TSPAN5: variants seen among roughly 807,000 people sequenced by gnomAD.
The protein encoded by TSPAN5 is tetraspanin-5.
In TSPAN5, 10 loss-of-function variants were observed where a neutral mutation model predicts 37.1. The ratio of observed to expected loss-of-function variants is 0.27; its 90% CI spans 0.17 to 0.46. The LOEUF (loss-of-function observed/expected upper bound fraction) is 0.46. Ranked by LOEUF, TSPAN5 falls within the 20% of genes least tolerant of loss-of-function variation. TSPAN5 has a pLI of 1.00. For missense variants in TSPAN5, 195 were observed against 326.6 expected, an observed-to-expected ratio of 0.60 and a Z score of 3.11; for synonymous variants, 110 against 118.9, an observed-to-expected ratio of 0.93 and a Z score of 0.48.
At chr4:98,559,459 T>C (rs1230428420) in intron 1 of TSPAN5, among the ~76,000 whole-genome samples, 1 of 152,130 alleles carries the variant, frequency 6.6e-6, no homozygotes, top group Non-Finnish European at 1.5e-5. Flanking sequence ...AATAAAGAAA[T>C]GGTTAAGTAG....
At chr4:98,600,914 T>G (rs1755868096) in intron 1 of TSPAN5, among the ~76,000 whole-genome samples, 1 of 152,216 alleles carries the variant, frequency 6.6e-6, no homozygotes. Flanking sequence ...TAATAAGACT[T>G]GAAAGTCAAA....
Position 98,557,794 on chromosome 4 carries a change from C to A in TSPAN5, c.82-50066G>T, listed in dbSNP as rs1327096352. Among the ~76,000 whole-genome samples the A allele has an allele frequency of 2.6e-5, 4 of 152,286 alleles. No homozygotes were observed. The East Asian group carries it at 7.7e-4, about 29-fold the overall frequency. On this transcript the variant is annotated intron_variant, in intron 1 of 7. Transcript: ENST00000305798. ...TTGACAGGATGTACCCCTGATACAA[C>A]AAAAATGGCACTTAACCTCTGTGGG...
At chr4:98,497,005 C>A (rs1440707847) in intron 2 of TSPAN5, among the ~76,000 whole-genome samples, 1 of 151,954 alleles carries the variant, frequency 6.6e-6, no homozygotes, top group Non-Finnish European at 1.5e-5. Flanking sequence ...GAGGGTGGGA[C>A]CCCCATGATG....
At chr4:98,486,499 T>G (rs1752961622) in intron 3 of TSPAN5, 2 of 494,346 alleles carry the variant, frequency 4.0e-6, no homozygotes, top group African/African-American at 1.9e-5. Context: ...GTCTGTGATA[T>G]ATATGCACAA....
rs2110249506 is a variant in TSPAN5 at position 98,472,271 on chromosome 4, T to C, written c.*251A>G. ...CTTTTTTTCTTTTTTGGTAAGCATCTAACTGTCCATAAATTCATGGCTACA... is the reference window on the plus strand; with the variant it reads ...CTTTTTTTCTTTTTTGGTAAGCATCCAACTGTCCATAAATTCATGGCTACA... On this transcript the variant is annotated 3_prime_UTR_variant, in exon 8 of 8. Transcript: ENST00000305798. 1 of 388,340 alleles carries C rather than the reference T, an allele frequency of 2.6e-6. No individual in the cohort carries two copies. The highest frequency in any genetic ancestry group is 4.6e-6 in the Non-Finnish European group (1 of 218,556). 24.1% of individuals were successfully genotyped at this position (388,340 alleles called of 1,614,324 possible). A position where few individuals can be genotyped will look rare whatever the true frequency, so the allele number is the denominator to read the frequency against.
intron 1 of TSPAN5, among the ~76,000 whole-genome samples, chr4:98,633,940 G>A (rs922010875): frequency 2.6e-5 from 4 of 151,994 alleles, no homozygotes; most frequent in South Asian, 4.2e-4. Flanking sequence ...TTAGCCAGGC[G>A]TGGTGGCACA....
chr4:98,479,394 A>G (rs1408362918), intron 4 of TSPAN5, among the ~76,000 whole-genome samples: 2 of 152,222 alleles, frequency 1.3e-5, no homozygotes, highest in Admixed American at 1.3e-4. Flanking sequence ...TGTAAAGACA[A>G]TGCCAGGTTG....
intron 1 of TSPAN5, among the ~76,000 whole-genome samples, chr4:98,565,945 T>C (rs1455458574): frequency 6.6e-6 from 1 of 152,106 alleles, no homozygotes; most frequent in African/African-American, 2.4e-5. Context: ...AGCAATTTAA[T>C]ACAAGCTTAG....
intron 1 of TSPAN5, among the ~76,000 whole-genome samples, chr4:98,643,005 A>T (rs1222255416): frequency 6.6e-6 from 1 of 152,206 alleles, no homozygotes; most frequent in African/African-American, 2.4e-5. Flanking sequence ...GCCTAAGTAT[A>T]GTGTTAATGT....
intron 1 of TSPAN5, among the ~76,000 whole-genome samples, chr4:98,599,072 AATAAT>A (rs1462508008): frequency 6.6e-6 from 1 of 152,224 alleles, no homozygotes; most frequent in Non-Finnish European, 1.5e-5. Flanking sequence ...AAAATGGACA[AATAAT>A]ATAAAAGTGC....
chr4:98,564,049 A>C (rs1560539103), intron 1 of TSPAN5, among the ~76,000 whole-genome samples: 1 of 152,220 alleles, frequency 6.6e-6, no homozygotes, highest in Non-Finnish European at 1.5e-5. Flanking sequence ...CACACACACA[A>C]AAAACGTGTG....
rs1199217671 is a variant in TSPAN5 at position 98,470,495 on chromosome 4, A to G, written c.*2027T>C. ...TGTTTGGCCTTTCAGTGGATGTGCC[A>G]AAGGGCAGGGATCTTGCCTGATTCT... On this transcript the variant is annotated 3_prime_UTR_variant, in exon 8 of 8. Coordinates refer to ENST00000305798, the MANE Select transcript of TSPAN5 (RefSeq NM_005723.4). 6.6e-6 allele frequency: 1 copy of G among 152,264 alleles called. No individual in the cohort carries two copies. Among genetic ancestry groups the G allele is most frequent in the Admixed American group, 6.5e-5 (1 of 15,288 alleles). The allele number at this position is 152,264 out of a possible 1,614,324, so 9.4% of individuals were successfully genotyped here.
At chr4:98,541,646 G>C (rs542399497) in intron 1 of TSPAN5, among the ~76,000 whole-genome samples, 1 of 139,618 alleles carries the variant, frequency 7.2e-6, no homozygotes, top group African/African-American at 2.7e-5. Flanking sequence ...CTACACTCCA[G>C]CCTGGGTGAC....
chr4:98,626,317 C>G (rs776159103), intron 1 of TSPAN5, among the ~76,000 whole-genome samples: 1 of 152,184 alleles, frequency 6.6e-6, no homozygotes, highest in Non-Finnish European at 1.5e-5. Flanking sequence ...TTATCATAAC[C>G]TCCCATAATT....
chr4:98,655,862 T>C (rs997897510), intron 1 of TSPAN5, among the ~76,000 whole-genome samples: 1 of 152,148 alleles, frequency 6.6e-6, no homozygotes, highest in Non-Finnish European at 1.5e-5. Context: ...GCAGGAAATT[T>C]AAATATGGGG....
chr4:98,602,365 A>C (rs1755902696), intron 1 of TSPAN5, among the ~76,000 whole-genome samples: 1 of 152,254 alleles, frequency 6.6e-6, no homozygotes, highest in Admixed American at 6.5e-5. Flanking sequence ...ATGTCTTTTT[A>C]ATCTGCAGCA....
chr4:98,501,823 T>C (rs1753357787), intron 2 of TSPAN5, among the ~76,000 whole-genome samples: 1 of 151,992 alleles, frequency 6.6e-6, no homozygotes, highest in African/African-American at 2.4e-5. Context: ...AGCAGAGAAG[T>C]AAAAGGATCT....
At chr4:98,584,976 G>C (rs1755452979) in intron 1 of TSPAN5, among the ~76,000 whole-genome samples, 1 of 152,172 alleles carries the variant, frequency 6.6e-6, no homozygotes, top group Non-Finnish European at 1.5e-5. Context: ...TAAGCTGGCT[G>C]GTGGCTGGCT....
At chr4:98,516,064 T>C (rs1193307727) in intron 1 of TSPAN5, among the ~76,000 whole-genome samples, 1 of 152,216 alleles carries the variant, frequency 6.6e-6, no homozygotes, top group Admixed American at 6.5e-5. Flanking sequence ...GCCTATTTTT[T>C]TACAGAATCC....
Sources: allele counts gnomAD v4.1 joint callset (sites outside exome capture counted in the v4.1 genomes callset), GRCh38; gene constraint gnomAD v4.1.1; transcripts MANE v1.5; gene names NCBI Gene and HGNC (gene_info 2026-07-23, HGNC 2026-07-21).